Variants in DMD observed in about 807,000 individuals in gnomAD.
DMD encodes the protein mutant dystrophin.
DMD carries 63 observed loss-of-function variants against 330.1 expected under a neutral mutation model. That is an observed-to-expected ratio of 0.19 (90% confidence interval 0.16 to 0.24). The LOEUF is 0.24. Among genes scored for constraint, DMD ranks in the 10% least tolerant of loss-of-function variants. The pLI is 1.00. For synonymous variants in DMD, 1,223 were observed against 959.8 expected (o/e 1.27, Z -5.07); for missense variants, 3,344 against 2,684.1 (o/e 1.25, Z -5.43).
chrX:31,269,210 T>G (rs185815294), intron 62 of DMD, among the ~76,000 whole-genome samples: 222 of 112,019 alleles, frequency 2.0e-3, no homozygotes, highest in Non-Finnish European at 3.9e-3. Flanking sequence ...TTATGAATTT[T>G]GCTTATTAGA....
chrX:33,198,040 A>G (rs2051051558), intron 1 of DMD, among the ~76,000 whole-genome samples: 1 of 111,505 alleles, frequency 9.0e-6, no homozygotes, highest in Non-Finnish European at 1.9e-5. Context: ...CATCAGCAAT[A>G]TTAGAAAGAC....
At chrX:32,991,723 A>G (rs902194743) in intron 2 of DMD, among the ~76,000 whole-genome samples, 6 of 111,902 alleles carry the variant, frequency 5.4e-5, no homozygotes, top group African/African-American at 2.0e-4. Flanking sequence ...ACTATCTAAA[A>G]GCCAACATAC....
intron 41 of DMD, among the ~76,000 whole-genome samples, chrX:32,310,591 G>A (rs886637427): frequency 1.8e-5 from 2 of 110,708 alleles, no homozygotes; most frequent in African/African-American, 6.5e-5. Context: ...TTTTGCAACC[G>A]GCATTTAAAT....
Position 32,297,120 on chromosome X carries a change from T to C in DMD, c.6118-9419A>G, listed in dbSNP as rs993891638. On this transcript the variant is annotated intron_variant, in intron 42 of 78. Coordinates refer to ENST00000357033, the MANE Select transcript of DMD (RefSeq NM_004006.3). ...CATACAGACCTAGCCACACTAGTTTTAACTAGTAATACTATCTTCTAGGTT... is the reference window on the plus strand; with the variant it reads ...CATACAGACCTAGCCACACTAGTTTCAACTAGTAATACTATCTTCTAGGTT... 8.1e-5 allele frequency among the ~76,000 whole-genome samples: 9 copies of C among 111,355 alleles called. No individual in the cohort carries two copies. In the East Asian group the frequency reaches 2.2e-3, roughly 28 times the overall value.
At position 31,121,567 on chromosome X, in the gene DMD, GT is replaced by G. The variant is rs2032565016; in HGVS notation, c.*351del. ...TAAATTTTTAAACAACCCAAAATGCGTTCCATATAAAGAAATGGCAAGTTAT... is the reference window on the plus strand; with the variant it reads ...TAAATTTTTAAACAACCCAAAATGCGTCCATATAAAGAAATGGCAAGTTAT... On this transcript the variant is annotated 3_prime_UTR_variant, in exon 79 of 79. Transcript: ENST00000357033. The G allele has an allele frequency of 3.8e-6, 1 of 264,143 alleles. No homozygotes were observed. Among genetic ancestry groups the G allele is most frequent in the Non-Finnish European group, 6.6e-6 (1 of 150,474 alleles). 21.8% of individuals were successfully genotyped at this position (264,143 alleles called of 1,213,427 possible). A position where few individuals can be genotyped will look rare whatever the true frequency, so the allele number is the denominator to read the frequency against.
At chrX:31,689,816 C>G (rs1343334074) in intron 52 of DMD, among the ~76,000 whole-genome samples, 1 of 111,341 alleles carries the variant, frequency 9.0e-6, no homozygotes, top group Non-Finnish European at 1.9e-5. Context: ...AATAATACCA[C>G]ACATCTACAA....
At chrX:31,708,902 T>G (rs1031670042) in intron 52 of DMD, among the ~76,000 whole-genome samples, 3 of 112,215 alleles carry the variant, frequency 2.7e-5, no homozygotes, top group African/African-American at 9.7e-5. Flanking sequence ...GCTCTCTTTC[T>G]TTTGAGAAGA....
chrX:31,204,101 C>A lies in DMD; in HGVS notation c.9667G>T (p.Ala3223Ser), dbSNP rs1319200626. The A allele has an allele frequency of 8.3e-7, 1 of 1,211,007 alleles. No homozygotes were observed. Among genetic ancestry groups the A allele is most frequent in the African/African-American group, 1.7e-5 (1 of 57,697 alleles). ...TGGTCACAAAATCCTGTTGAACTTG[C>A]CACTTGCTTGAAAAGGTCTACAAAG... ...DKYRYLFKQV[A>S]SSTGFCDQRR... Residue 3223 changes from alanine (A) to serine (S), a missense_variant, in exon 67 of 79, where the codon GCA (alanine) becomes TCA (serine). Ala to Ser is a moderately conservative substitution (Grantham distance 99). Coordinates refer to ENST00000357033, the MANE Select transcript of DMD (RefSeq NM_004006.3).
chrX:31,615,400 G>A (rs1004194439), intron 55 of DMD, among the ~76,000 whole-genome samples: 1 of 111,565 alleles, frequency 9.0e-6, no homozygotes, highest in East Asian at 2.8e-4. Flanking sequence ...GTGATTTCCT[G>A]TGTTACTCAG....
At chrX:32,323,931 G>C (rs1449916015) in intron 41 of DMD, among the ~76,000 whole-genome samples, 3 of 111,182 alleles carry the variant, frequency 2.7e-5, no homozygotes, top group Non-Finnish European at 5.7e-5. Context: ...ATCTTCATAA[G>C]ATCAAGCACG....
chrX:32,003,061 G>A (rs1341019994), intron 44 of DMD, among the ~76,000 whole-genome samples: 3 of 111,708 alleles, frequency 2.7e-5, no homozygotes, highest in East Asian at 5.7e-4. Flanking sequence ...TAGCAAACAG[G>A]CACTGTTTTT....
At chrX:31,228,255 AT>A (rs2046844627) in intron 63 of DMD, among the ~76,000 whole-genome samples, 2 of 83,263 alleles carry the variant, frequency 2.4e-5, no homozygotes, top group Admixed American at 1.2e-4. Context: ...TTAAAGTATA[AT>A]AAAAAAAAAA....
intron 51 of DMD, among the ~76,000 whole-genome samples, chrX:31,756,403 G>A (rs1390426485): frequency 8.9e-6 from 1 of 111,880 alleles, no homozygotes. Context: ...TATAAACGCA[G>A]CTCAATGCAG....
rs145635861 is a variant in DMD, at chrX:32,110,713, C to A, written c.6438+106203G>T. 1.1e-4 allele frequency among the ~76,000 whole-genome samples: 12 copies of A among 111,732 alleles called. No homozygotes were observed. The East Asian group carries it at 3.1e-3, about 29-fold the overall frequency. On this transcript the variant is annotated intron_variant, in intron 44 of 78. Transcript: ENST00000357033. ...AAGCATAATGCTGCAAGCAAAATTCCGATGTAGTCACAAGAAGGACATTCT... is the reference window on the plus strand; with the variant it reads ...AAGCATAATGCTGCAAGCAAAATTCAGATGTAGTCACAAGAAGGACATTCT...
chrX:31,434,418 G>GCACACA lies in DMD; in HGVS notation c.9084+10057_9084+10062dup, dbSNP rs10572572. 4.3e-3 allele frequency among the ~76,000 whole-genome samples: 337 copies of GCACACA among 78,043 alleles called. 5 individuals carry two copies. The highest frequency in any genetic ancestry group is 0.011 in the South Asian group (12 of 1,131). 67.8% of individuals were successfully genotyped at this position (78,043 alleles called of 115,157 possible). A position where few individuals can be genotyped will look rare whatever the true frequency, so the allele number is the denominator to read the frequency against. ...CTCTCACCCTTACTGCAGCGCGCGC[G>GCACACA]CACACACACACACACACACACACAC... On this transcript the variant is annotated intron_variant, in intron 60 of 78. Coordinates refer to ENST00000357033, the MANE Select transcript of DMD (RefSeq NM_004006.3).
chrX:33,165,971 G>C (rs964865785), intron 1 of DMD, among the ~76,000 whole-genome samples: 32 of 111,058 alleles, frequency 2.9e-4, no homozygotes, highest in African/African-American at 9.8e-4. Context: ...TGTATAGGAA[G>C]CAAAGAAGGT....
chrX:33,204,067 G>A (rs1168497221), intron 1 of DMD, among the ~76,000 whole-genome samples: 2 of 111,466 alleles, frequency 1.8e-5, no homozygotes, highest in East Asian at 2.8e-4. Context: ...TTTTGGATGA[G>A]CTACCGTAAT....
At chrX:31,257,575 T>C (rs1386284141) in intron 63 of DMD, among the ~76,000 whole-genome samples, 3 of 112,300 alleles carry the variant, frequency 2.7e-5, no homozygotes, top group Admixed American at 9.4e-5. Context: ...TTTATGCTTA[T>C]GTTTCGACTC....
At chrX:33,301,906 T>C (rs891638706) in intron 1 of DMD, among the ~76,000 whole-genome samples, 3 of 111,879 alleles carry the variant, frequency 2.7e-5, no homozygotes, top group Non-Finnish European at 5.6e-5. Flanking sequence ...ATTCAGATCA[T>C]AGCAGTTTGT....
Sources: gnomAD v4.1 joint callset for allele counts (sites outside exome capture counted in the v4.1 genomes callset) on GRCh38, gnomAD v4.1.1 for gene constraint, MANE v1.5 for transcripts, NCBI Gene and HGNC (gene_info 2026-07-23, HGNC 2026-07-21) for gene names.